The following SPOCK3 variants were observed in gnomAD, a reference collection of about 807,000 sequenced individuals.
SPOCK3 encodes SPARC (osteonectin), cwcv and kazal like domains proteoglycan 3, also known as testican-3.
A neutral mutation model predicts 56.6 loss-of-function variants in SPOCK3; 30 were observed. That is an observed-to-expected ratio of 0.53 (90% CI 0.40 to 0.72). The LOEUF (loss-of-function observed/expected upper bound fraction) is 0.72, where lower values mean the gene tolerates loss of function less well. SPOCK3 is among the 30% of genes least tolerant of loss of function. SPOCK3 has a pLI of 0.00. For missense variants in SPOCK3, 527 were observed against 530.0 expected (o/e 0.99, Z 0.06); for synonymous variants, 196 against 183.3 (o/e 1.07, Z -0.56).
chr4:166,771,840 C>G (rs543141292), intron 7 of SPOCK3, among the ~76,000 whole-genome samples: 3 of 152,048 alleles, frequency 2.0e-5, no homozygotes, highest in Non-Finnish European at 4.4e-5. Context: ...TTACATGGTA[C>G]ATCATAAAAT....
At chr4:167,014,171 C>G (rs1750368073) in intron 3 of SPOCK3, among the ~76,000 whole-genome samples, 1 of 152,136 alleles carries the variant, frequency 6.6e-6, no homozygotes, top group African/African-American at 2.4e-5. Context: ...AACAATCTGC[C>G]TTTCTCAGCC....
At chr4:167,100,605 CAAAT>C (rs1236438842) in intron 2 of SPOCK3, among the ~76,000 whole-genome samples, 1 of 151,886 alleles carries the variant, frequency 6.6e-6, no homozygotes, top group Non-Finnish European at 1.5e-5. Flanking sequence ...AAAATATGCA[CAAAT>C]AATTAGGATA....
chr4:167,075,592 T>C (rs1757112374), intron 2 of SPOCK3, among the ~76,000 whole-genome samples: 1 of 151,978 alleles, frequency 6.6e-6, no homozygotes, highest in African/African-American at 2.4e-5. Context: ...TACACTTAAA[T>C]CATTTTTGCT....
intron 4 of SPOCK3, among the ~76,000 whole-genome samples, chr4:166,932,613 C>T (rs1027430920): frequency 2.0e-5 from 3 of 151,934 alleles, no homozygotes; most frequent in African/African-American, 4.8e-5. Context: ...GCTAAAAATG[C>T]CAATTTGGTG....
chr4:166,940,628 GAGATTTA>G (rs1740944377), intron 4 of SPOCK3, among the ~76,000 whole-genome samples: 1 of 151,396 alleles, frequency 6.6e-6, no homozygotes, highest in Non-Finnish European at 1.5e-5. Context: ...CCCCTAGGAA[GAGATTTA>G]AGATGCTAAT....
At chr4:167,161,039 C>G (rs562013214) in intron 2 of SPOCK3, among the ~76,000 whole-genome samples, 14 of 152,242 alleles carry the variant, frequency 9.2e-5, no homozygotes, top group African/African-American at 3.1e-4. Flanking sequence ...ACAAAATTGA[C>G]AAATGGGATC....
At chr4:166,794,977 T>C (rs1003749265) in intron 6 of SPOCK3, among the ~76,000 whole-genome samples, 1 of 152,170 alleles carries the variant, frequency 6.6e-6, no homozygotes, top group African/African-American at 2.4e-5. Context: ...GTATACTACA[T>C]GTATACAAAC....
chr4:166,851,223 G>A lies in SPOCK3; in HGVS notation c.589+37907C>T, dbSNP rs549880603. On this transcript the variant is annotated intron_variant, in intron 6 of 10. Coordinates refer to ENST00000357545, the MANE Select transcript of SPOCK3 (RefSeq NM_001040159.2). ...GCAGGGGCAGACTGACACCTCACAC[G>A]GCCGGGTACTCCAACAGACCTGCAG... 1.4e-4 allele frequency among the ~76,000 whole-genome samples: 22 copies of A among 152,232 alleles called. No individual in the cohort carries two copies. In the South Asian group the frequency reaches 2.3e-3, roughly 16 times the overall value.
intron 4 of SPOCK3, among the ~76,000 whole-genome samples, chr4:166,935,603 TA>T (rs1371519941): frequency 6.6e-6 from 1 of 152,212 alleles, no homozygotes; most frequent in African/African-American, 2.4e-5. Flanking sequence ...ACTGTAAATG[TA>T]AAAACCATTT....
At chr4:167,082,227 C>T (rs977472867) in intron 2 of SPOCK3, among the ~76,000 whole-genome samples, 3 of 152,074 alleles carry the variant, frequency 2.0e-5, no homozygotes, top group African/African-American at 4.8e-5. Context: ...GAAATCTGCA[C>T]AAGAAAGGTA....
At chr4:167,118,086 TCTC>T (rs756896177) in intron 2 of SPOCK3, among the ~76,000 whole-genome samples, 1 of 152,160 alleles carries the variant, frequency 6.6e-6, no homozygotes, top group Non-Finnish European at 1.5e-5. Flanking sequence ...TGAGCTCTGA[TCTC>T]CTGCTTGAAA....
At chr4:167,163,676 A>G (rs1386905044) in intron 2 of SPOCK3, among the ~76,000 whole-genome samples, 3 of 152,050 alleles carry the variant, frequency 2.0e-5, no homozygotes. Context: ...ATAATTAAGA[A>G]CATGTGAAGC....
intron 2 of SPOCK3, among the ~76,000 whole-genome samples, chr4:167,109,940 C>A (rs1031437192): frequency 2.0e-5 from 3 of 151,962 alleles, no homozygotes; most frequent in Non-Finnish European, 2.9e-5. Flanking sequence ...AGCCTGAACT[C>A]CATTTCTTAC....
rs142027034 is a variant in SPOCK3, at chr4:166,920,260, A to G, written c.351-7517T>C. The stretch of plus-strand genomic sequence containing the variant: ...ATAGGTTAAAAATGACAGCATCACT[A>G]CCTCAAATTTTAGTTAGAATCTTCA... On this transcript the variant is annotated intron_variant, in intron 4 of 10. Transcript: ENST00000357545. Among the ~76,000 whole-genome samples, 204 of 152,278 alleles carry G rather than the reference A, an allele frequency of 1.3e-3. 7 individuals carry two copies. The East Asian group carries it at 0.021, about 16-fold the overall frequency.
At chr4:166,737,954 C>A (rs1233947470) in intron 9 of SPOCK3, among the ~76,000 whole-genome samples, 1 of 152,188 alleles carries the variant, frequency 6.6e-6, no homozygotes, top group Admixed American at 6.5e-5. Context: ...ATCACCCAGA[C>A]CACTTAGCAT....
In SPOCK3 at chr4:167,207,032, G is replaced by T. The variant is rs534556209; in HGVS notation, c.189+26953C>A. Among the ~76,000 whole-genome samples, 86 of 152,098 alleles carry T rather than the reference G, an allele frequency of 5.7e-4. No individual in the cohort carries two copies. In the Middle Eastern group the frequency reaches 0.034, roughly 60 times the overall value. On this transcript the variant is annotated intron_variant, in intron 2 of 10. Coordinates refer to ENST00000357545, the MANE Select transcript of SPOCK3 (RefSeq NM_001040159.2). ...TACCCTGATCTTATCACTATGTATT[G>T]TATGTATTTAAACAATACTGTGTAC... is the stretch of plus-strand genomic sequence containing the variant.
intron 2 of SPOCK3, among the ~76,000 whole-genome samples, chr4:167,214,387 T>C (rs573202012): frequency 6.7e-4 from 102 of 152,242 alleles, no homozygotes; most frequent in African/African-American, 2.3e-3. Flanking sequence ...TGCATAACAC[T>C]ATAACATTAT....
chr4:166,754,361 T>C (rs1266797277), intron 8 of SPOCK3, 147 bp downstream of exon 8: 6 of 1,392,106 alleles, frequency 4.3e-6, no homozygotes, highest in Non-Finnish European at 5.6e-6. Flanking sequence ...TTCAACATGC[T>C]TCTTATTTGC....
intron 4 of SPOCK3, among the ~76,000 whole-genome samples, chr4:166,980,763 A>G (rs1243637147): frequency 6.6e-6 from 1 of 152,220 alleles, no homozygotes; most frequent in Admixed American, 6.5e-5. Context: ...CACCTGTGTG[A>G]GGGGAATGTG....
Sources: allele counts gnomAD v4.1 joint callset (sites outside exome capture counted in the v4.1 genomes callset), GRCh38; gene constraint gnomAD v4.1.1; transcripts MANE v1.5; gene names NCBI Gene and HGNC (gene_info 2026-07-23, HGNC 2026-07-21).